Variants in THSD7A observed in about 807,000 individuals in gnomAD.
THSD7A encodes thrombospondin type-1 domain-containing protein 7A.
Under a neutral mutation model 231.3 loss-of-function variants are expected in THSD7A, and 96 were observed. The ratio of observed to expected loss-of-function variants is 0.41; its 90% CI spans 0.35 to 0.49. The LOEUF (loss-of-function observed/expected upper bound fraction) is 0.49. Among genes scored for constraint, THSD7A ranks in the 20% least tolerant of loss-of-function variants. The probability of loss-of-function intolerance (pLI) is 0.05; values close to 1 mark genes in which losing one functional copy is unlikely to be tolerated. For synonymous variants in THSD7A, 940 were observed against 743.3 expected, an observed-to-expected ratio of 1.26 and a Z score of -4.30; for missense variants, 2,290 against 2,070.2, an observed-to-expected ratio of 1.11 and a Z score of -2.06.
intron 1 of THSD7A, among the ~76,000 whole-genome samples, chr7:11,769,633 A>C (rs1783160564): frequency 6.6e-6 from 1 of 152,084 alleles, no homozygotes; most frequent in South Asian, 2.1e-4. Context: ...ACTTTTCCCC[A>C]TGTAATTTTG....
intron 11 of THSD7A, among the ~76,000 whole-genome samples, chr7:11,449,619 GAT>G (rs1296346575): frequency 1.3e-5 from 2 of 152,014 alleles, no homozygotes; most frequent in Non-Finnish European, 2.9e-5. Flanking sequence ...ACAGGGAATA[GAT>G]AAAAAAGAAC....
At chr7:11,738,717 A>C (rs961799851) in intron 1 of THSD7A, among the ~76,000 whole-genome samples, 1 of 152,014 alleles carries the variant, frequency 6.6e-6, no homozygotes, top group Non-Finnish European at 1.5e-5. Context: ...AGATTTGAAG[A>C]TGCTATGCCA....
At chr7:11,396,317 A>G (rs1783184261) in intron 23 of THSD7A, among the ~76,000 whole-genome samples, 1 of 152,172 alleles carries the variant, frequency 6.6e-6, no homozygotes. Flanking sequence ...TAGAGACATG[A>G]AACACCCTTA....
At chr7:11,726,347 A>G (rs1031071917) in intron 1 of THSD7A, among the ~76,000 whole-genome samples, 1 of 152,028 alleles carries the variant, frequency 6.6e-6, no homozygotes, top group Non-Finnish European at 1.5e-5. Context: ...TCTACCACAC[A>G]TCATCATTTT....
At chr7:11,620,136 C>T (rs1041423973) in intron 2 of THSD7A, among the ~76,000 whole-genome samples, 37 of 152,248 alleles carry the variant, frequency 2.4e-4, no homozygotes, top group Non-Finnish European at 4.4e-4. Flanking sequence ...CACATCTTTC[C>T]TCCTCTACAA....
intron 24 of THSD7A, among the ~76,000 whole-genome samples, chr7:11,381,040 G>A (rs1472817084): frequency 6.6e-6 from 1 of 152,052 alleles, no homozygotes; most frequent in Non-Finnish European, 1.5e-5. Context: ...AAACTTACAG[G>A]ATCATCTAGA....
intron 1 of THSD7A, among the ~76,000 whole-genome samples, chr7:11,777,560 C>T (rs1353810803): frequency 6.6e-6 from 1 of 152,110 alleles, no homozygotes; most frequent in Admixed American, 6.5e-5. Flanking sequence ...TATCATCTCC[C>T]TTACTGGGGT....
rs762666845 is a variant in THSD7A, at chr7:11,543,003, G to T, written c.1568C>A (p.Pro523His). ...CEVSPWSAWG[P>H]CTYENCNDQQ... is the part of the protein sequence containing the mutation. ...ATCATTACAGTTTTCATAAGTACAA[G>T]GTCCCCAAGCTGACCAAGGTGAAAC... Residue 523 changes from proline (P) to histidine (H), a missense_variant, in exon 5 of 28, where the codon CCT (proline) becomes CAT (histidine). Pro to His is a moderately conservative substitution (Grantham distance 77). Coordinates refer to ENST00000423059, the MANE Select transcript of THSD7A (RefSeq NM_015204.3). 8.1e-6 allele frequency: 13 copies of T among 1,613,662 alleles called. No individual in the cohort carries two copies. The highest frequency in any genetic ancestry group is 1.1e-5 in the Non-Finnish European group (13 of 1,179,824).
chr7:11,767,230 T>C (rs1393113372), intron 1 of THSD7A, among the ~76,000 whole-genome samples: 1 of 152,192 alleles, frequency 6.6e-6, no homozygotes, highest in Non-Finnish European at 1.5e-5. Context: ...GAACATATTA[T>C]TCCTCTGCCC....
At chr7:11,762,285 G>C (rs56305622) in intron 1 of THSD7A, among the ~76,000 whole-genome samples, 1 of 152,110 alleles carries the variant, frequency 6.6e-6, no homozygotes, top group Non-Finnish European at 1.5e-5. Flanking sequence ...GAATGGTAAT[G>C]ATATTGTTAG....
intron 6 of THSD7A, among the ~76,000 whole-genome samples, chr7:11,483,968 C>T (rs765661913): frequency 2.6e-5 from 4 of 152,082 alleles, no homozygotes; most frequent in African/African-American, 9.7e-5. Flanking sequence ...AAGAAATGTG[C>T]AATTTTGACC....
chr7:11,455,590 A>G (rs1379071275), intron 11 of THSD7A, among the ~76,000 whole-genome samples: 1 of 152,062 alleles, frequency 6.6e-6, no homozygotes, highest in Non-Finnish European at 1.5e-5. Flanking sequence ...ACTTTCAGGA[A>G]TATATAAATT....
chr7:11,642,530 T>G (rs1180638199), intron 1 of THSD7A, among the ~76,000 whole-genome samples: 1 of 152,150 alleles, frequency 6.6e-6, no homozygotes, highest in Non-Finnish European at 1.5e-5. Context: ...AACACTTAGC[T>G]TGACAGATTT....
intron 8 of THSD7A, among the ~76,000 whole-genome samples, chr7:11,470,690 A>G (rs77196292): frequency 0.029 from 4,350 of 151,920 alleles, 132 homozygotes; most frequent in East Asian, 0.16. Flanking sequence ...ATAAACTACA[A>G]TATCTTTTTT....
chr7:11,497,864 G>A (rs984734859), intron 6 of THSD7A, among the ~76,000 whole-genome samples: 2 of 152,140 alleles, frequency 1.3e-5, no homozygotes, highest in African/African-American at 4.8e-5. Flanking sequence ...CATGGAGCCA[G>A]GGGACCATCC....
In THSD7A at chr7:11,481,879, C is replaced by T. The variant is rs542231968; in HGVS notation, c.1926G>A (p.Thr642=). The T allele has an allele frequency of 3.3e-5, 54 of 1,613,646 alleles. No individual in the cohort carries two copies. Among genetic ancestry groups the T allele is most frequent in the South Asian group, 1.4e-4 (13 of 91,080 alleles). Residue 642 remains threonine (T), a synonymous_variant, in exon 7 of 28, where the codon ACG becomes ACA. Transcript: ENST00000423059. The part of the protein sequence containing the change: ...PKDCVLSTWS[T]WSSCSHTCSG... ...AGCAGGTGTGTGAGCAGGAGGACCA[C>T]GTAGACCATGTGCTGAGCACACAGT...
intron 23 of THSD7A, among the ~76,000 whole-genome samples, chr7:11,389,882 G>C (rs1294225070): frequency 6.6e-6 from 1 of 152,120 alleles, no homozygotes; most frequent in African/African-American, 2.4e-5. Flanking sequence ...AGCTTAGTTT[G>C]GCTGGATATG....
chr7:11,643,689 C>T (rs1424729383), intron 1 of THSD7A, among the ~76,000 whole-genome samples: 1 of 151,748 alleles, frequency 6.6e-6, no homozygotes, highest in Non-Finnish European at 1.5e-5. Context: ...TAGATCTATA[C>T]TATGTTTGCG....
intron 4 of THSD7A, among the ~76,000 whole-genome samples, chr7:11,551,299 G>A (rs147481219): frequency 6.6e-6 from 1 of 152,034 alleles, no homozygotes; most frequent in East Asian, 1.9e-4. Context: ...ATTTCATGAC[G>A]AAGACCCCAA....
Sources: allele counts gnomAD v4.1 joint callset (sites outside exome capture counted in the v4.1 genomes callset), GRCh38; gene constraint gnomAD v4.1.1; transcripts MANE v1.5; gene names NCBI Gene and HGNC (gene_info 2026-07-23, HGNC 2026-07-21).